Variants in DGKK observed in about 807,000 individuals in gnomAD.
The protein encoded by DGKK is 142 kDa diacylglycerol kinase.
DGKK carries 35 observed loss-of-function variants against 92.2 expected under a neutral mutation model. That is an observed-to-expected ratio of 0.38 (90% CI 0.29 to 0.50). The LOEUF (loss-of-function observed/expected upper bound fraction) is 0.50, where lower values mean the gene tolerates loss of function less well. Ranked by LOEUF, DGKK falls within the 20% of genes least tolerant of loss-of-function variation. The pLI, the probability that DGKK is intolerant of heterozygous loss-of-function variation, is 0.92. For missense variants in DGKK, 910 were observed against 992.2 expected (o/e 0.92, Z 1.11); for synonymous variants, 368 against 360.6 (o/e 1.02, Z -0.23).
Position 50,371,830 on chromosome X carries a change from C to T in DGKK, c.3506G>A (p.Arg1169Lys). 8.5e-7 allele frequency: 1 copy of T among 1,180,638 alleles called. No individual in the cohort carries two copies. The highest frequency in any genetic ancestry group is 1.1e-6 in the Non-Finnish European group (1 of 869,919). ...TAGTGCAGTCTCATCCTCAGCACTT[C>T]TCAGCTGGTACAGACAGGAAAAAGA... ...TTAFLDEKLL[R>K]SAEDETALQS... Residue 1169 changes from arginine (R) to lysine (K), a missense_variant, in exon 26 of 28, where the codon AGA becomes AAA. Transcript: ENST00000611977.
At chrX:50,372,522 T>C (rs189548075) in intron 25 of DGKK, among the ~76,000 whole-genome samples, 80 of 111,959 alleles carry the variant, frequency 7.1e-4, no homozygotes, top group African/African-American at 2.3e-3. Context: ...TTTCTCCTCC[T>C]GGAAAAGAGG....
Position 50,382,601 on chromosome X carries a change from C to T in DGKK, c.2552G>A (p.Arg851His), listed in dbSNP as rs368247344. ...GTTCATGACACATTTTTCTTTGAAG[C>T]GTCTGAAATTATTCAAAGAAGAGGA... ...DHLHFTPESI[R>H]FKEKCVMNNY... The change falls in exon 18 of 28, where the codon CGC (arginine) becomes CAC (histidine). Residue 851 changes from arginine to histidine, a missense_variant and splice_region_variant. By Grantham distance (29) the Arg-to-His change is conservative (BLOSUM62 0). Transcript: ENST00000611977. 7 of 1,193,134 alleles carry T rather than the reference C, an allele frequency of 5.9e-6. No homozygotes were observed. The highest frequency in any genetic ancestry group is 1.8e-5 in the South Asian group (1 of 54,740).
At chrX:50,432,151 G>A (rs1407709636) in intron 1 of DGKK, among the ~76,000 whole-genome samples, 8 of 111,534 alleles carry the variant, frequency 7.2e-5, no homozygotes, top group African/African-American at 2.6e-4. Flanking sequence ...CTGAGACCTC[G>A]TGGTCATCCT....
At chrX:50,372,829 A>G (rs1264763714) in intron 25 of DGKK, among the ~76,000 whole-genome samples, 1 of 112,024 alleles carries the variant, frequency 8.9e-6, no homozygotes, top group Non-Finnish European at 1.9e-5. Flanking sequence ...CAGCCCTCAC[A>G]TGCTTACAGC....
Position 50,368,842 on chromosome X carries a change from A to G in DGKK, c.*98T>C. 1 of 688,327 alleles carries G rather than the reference A, an allele frequency of 1.5e-6. No homozygotes were observed. The highest frequency in any genetic ancestry group is 2.8e-5 in the South Asian group (1 of 35,896). 56.7% of individuals were successfully genotyped at this position (688,327 alleles called of 1,213,427 possible). A position where few individuals can be genotyped will look rare whatever the true frequency, so the allele number is the denominator to read the frequency against. On this transcript the variant is annotated 3_prime_UTR_variant, in exon 28 of 28. Coordinates refer to ENST00000611977, the MANE Select transcript of DGKK (RefSeq NM_001013742.4). ...TGGAGGGTCTTTCTTGGTGGTGCTC[A>G]TGTTTGTTCTGAAATGATTTAGTCT...
chrX:50,378,964 G>A (rs73497557), intron 20 of DGKK, among the ~76,000 whole-genome samples: 4,352 of 111,947 alleles, frequency 0.039, 209 homozygotes, highest in African/African-American at 0.13. Context: ...TAAACTCAGA[G>A]TAAAGGGGTC....
chrX:50,397,908 A>G (rs1057296093), intron 8 of DGKK, among the ~76,000 whole-genome samples: 1 of 111,275 alleles, frequency 9.0e-6, no homozygotes, highest in Non-Finnish European at 1.9e-5. Flanking sequence ...TTCTTGGTTT[A>G]TAGCCATAGA....
intron 1 of DGKK, among the ~76,000 whole-genome samples, chrX:50,462,761 G>A (rs1195938128): frequency 9.3e-6 from 1 of 107,831 alleles, no homozygotes; most frequent in Non-Finnish European, 1.9e-5. Context: ...TTTTAATGAA[G>A]CTGGGGAGCC....
intron 1 of DGKK, among the ~76,000 whole-genome samples, chrX:50,450,026 C>T (rs1439106605): frequency 2.7e-5 from 3 of 111,711 alleles, no homozygotes; most frequent in African/African-American, 9.8e-5. Flanking sequence ...CACATGGCTG[C>T]AAATAATTGT....
At chrX:50,438,100 C>A (rs184522180) in intron 1 of DGKK, among the ~76,000 whole-genome samples, 51 of 110,561 alleles carry the variant, frequency 4.6e-4, no homozygotes, top group African/African-American at 1.6e-3. Flanking sequence ...AACAATAAAG[C>A]TTAATAAAGG....
At position 50,447,368 on chromosome X, in the gene DGKK, ATT is replaced by A. The variant is rs1491179886; in HGVS notation, c.645+22664_645+22665del. On this transcript the variant is annotated intron_variant, in intron 1 of 27. Coordinates refer to ENST00000611977, the MANE Select transcript of DGKK (RefSeq NM_001013742.4). ...TTATATATATATATAATATATATATATTATATATATATATAATATATATATAT... is the reference window on the plus strand; with the variant it reads ...TTATATATATATATAATATATATATAATATATATATATAATATATATATAT... 2.1e-3 allele frequency among the ~76,000 whole-genome samples: 27 copies of A among 12,868 alleles called. 2 individuals carry two copies. The African/African-American group carries it at 0.024, about 12-fold the overall frequency. 11.2% of individuals were successfully genotyped at this position (12,868 alleles called of 115,157 possible). A position where few individuals can be genotyped will look rare whatever the true frequency, so the allele number is the denominator to read the frequency against.
At chrX:50,416,320 A>T (rs1290095247) in intron 4 of DGKK, among the ~76,000 whole-genome samples, 1 of 112,273 alleles carries the variant, frequency 8.9e-6, no homozygotes, top group Non-Finnish European at 1.9e-5. Flanking sequence ...CACCTCCTGA[A>T]TTCCTTTCAG....
chrX:50,447,534 A>G (rs965645920), intron 1 of DGKK, among the ~76,000 whole-genome samples: 1 of 96,602 alleles, frequency 1.0e-5, no homozygotes, highest in Non-Finnish European at 2.1e-5. Context: ...GTAAACTGGA[A>G]CTCACTGCAG....
At chrX:50,435,736 TGAGA>T (rs782053248) in intron 1 of DGKK, among the ~76,000 whole-genome samples, 11 of 105,887 alleles carry the variant, frequency 1.0e-4, no homozygotes, top group African/African-American at 2.7e-4. Context: ...TGTGTGTGTA[TGAGA>T]GAGAGAGAGA....
chrX:50,422,597 AAC>A (rs59226442), intron 2 of DGKK, 71 bp from the exon 3 acceptor site: 16,358 of 334,588 alleles, frequency 0.049, 110 homozygotes, highest in East Asian at 0.076. Context: ...TTAAAAGGTA[AAC>A]ACACACACAC....
chrX:50,386,499 C>T lies in DGKK; in HGVS notation c.2206G>A (p.Glu736Lys). 8.3e-7 allele frequency: 1 copy of T among 1,211,214 alleles called. No homozygotes were observed. The highest frequency in any genetic ancestry group is 1.7e-5 in the African/African-American group (1 of 57,742). Reference protein sequence around the residue: ...AATSAEKSATEYADSSKADRK... With the variant: ...AATSAEKSATKYADSSKADRK... ...TCTGCCTTGCTGCTGTCTGCATATT[C>T]TGTAGCACTTTTTTCAGCAGAAGTA... Residue 736 changes from glutamate (E) to lysine (K), a missense_variant, in exon 15 of 28, where the codon GAA (glutamate) becomes AAA (lysine). Glu to Lys is a moderately conservative substitution (Grantham distance 56). Coordinates refer to ENST00000611977, the MANE Select transcript of DGKK (RefSeq NM_001013742.4).
At chrX:50,420,616 G>T in intron 3 of DGKK, 109 bp from the exon 4 acceptor site, 1 of 617,020 alleles carries the variant, frequency 1.6e-6, no homozygotes, top group Non-Finnish European at 2.5e-6. Flanking sequence ...CACAACATAA[G>T]CCACTTCTTG....
intron 18 of DGKK, among the ~76,000 whole-genome samples, chrX:50,381,904 T>C (rs189064547): frequency 1.2e-4 from 13 of 111,004 alleles, no homozygotes; most frequent in Non-Finnish European, 1.9e-4. Context: ...GAGGTTCTAG[T>C]GGTGGTGGCA....
In DGKK at chrX:50,422,509, C is replaced by T. The variant is rs375510617; in HGVS notation, c.774G>A (p.Thr258=). ...CCACAGTGGCTTGAGACAGATCAAT[C>T]GTTTCAAAGTGTGCAAACTGGAAAG... ...AHHPAFAHFE[T]IDLSQATVAE... Residue 258 remains threonine (T), a synonymous_variant, in exon 3 of 28, where the codon ACG becomes ACA. Transcript: ENST00000611977. The T allele has an allele frequency of 8.4e-5, 101 of 1,200,823 alleles. No homozygotes were observed. The African/African-American group carries it at 1.0e-3, about 12-fold the overall frequency.
Sources: gnomAD v4.1 joint callset for allele counts (sites outside exome capture counted in the v4.1 genomes callset) on GRCh38, gnomAD v4.1.1 for gene constraint, MANE v1.5 for transcripts, NCBI Gene and HGNC (gene_info 2026-07-23, HGNC 2026-07-21) for gene names.